Variants in ETS1 observed in about 807,000 individuals in gnomAD.
ETS1 encodes the protein ETS proto-oncogene 1, transcription factor, also known as protein C-ets-1.
A neutral mutation model predicts 58.6 loss-of-function variants in ETS1; 15 were observed. The ratio of observed to expected loss-of-function variants is 0.26; its 90% CI spans 0.17 to 0.39. The LOEUF is 0.39. Ranked by LOEUF, ETS1 falls within the 10% of genes least tolerant of loss-of-function variation. The pLI, the probability that ETS1 is intolerant of heterozygous loss-of-function variation, is 1.00. For missense variants in ETS1, 417 were observed against 610.5 expected, an observed-to-expected ratio of 0.68 and a Z score of 3.34; for synonymous variants, 214 against 218.2, an observed-to-expected ratio of 0.98 and a Z score of 0.17.
In ETS1 at chr11:128,486,082, C is replaced by T. The variant is rs149636924; in HGVS notation, c.600G>A (p.Ser200=). Residue 200 remains serine, a synonymous_variant, in exon 6 of 10, where the codon TCG becomes TCA. Transcript: ENST00000392668. The stretch of plus-strand genomic sequence containing the variant: ...AAATGAACTTACTAATGAAGTAATC[C>T]GAGGTATAGCGGGATTCTGGATAGG... ...NPAYPESRYT[S]DYFISYGIEH... is the part of the protein sequence containing the mutation. 2.5e-3 allele frequency: 4,050 copies of T among 1,607,380 alleles called. 75 individuals are homozygous for T. In the South Asian group the frequency reaches 0.032, roughly 13 times the overall value.
chr11:128,498,756 G>T (rs1863008762), intron 3 of ETS1, among the ~76,000 whole-genome samples: 1 of 152,162 alleles, frequency 6.6e-6, no homozygotes, highest in Non-Finnish European at 1.5e-5. Context: ...TTGAGATTAT[G>T]ATTCCTGTGT....
Position 128,485,007 on chromosome 11 carries a change from T to C in ETS1, c.678A>G (p.Thr226=), listed in dbSNP as rs1436802245. The stretch of plus-strand genomic sequence containing the variant: ...TGGGATGGAGCGTCTGATAGGACTC[T>C]GTGATGAAGCTGGGCTCTGAGAACT... The part of the protein sequence containing the change: ...PSEFSEPSFI[T]ESYQTLHPIS... Residue 226 remains threonine (T), a synonymous_variant, in exon 7 of 10, where the codon ACA becomes ACG. Transcript: ENST00000392668. 3.7e-6 allele frequency: 6 copies of C among 1,613,964 alleles called. No homozygotes were observed. Among genetic ancestry groups the C allele is most frequent in the South Asian group, 1.1e-5 (1 of 91,078 alleles).
intron 3 of ETS1, among the ~76,000 whole-genome samples, chr11:128,548,591 A>G (rs925026828): frequency 6.6e-6 from 1 of 152,204 alleles, no homozygotes; most frequent in East Asian, 1.9e-4. Context: ...TTGCAAAACT[A>G]AATCTAAGCC....
intron 8 of ETS1, among the ~76,000 whole-genome samples, chr11:128,473,729 A>G (rs1333854139): frequency 6.6e-6 from 1 of 152,212 alleles, no homozygotes; most frequent in Non-Finnish European, 1.5e-5. Flanking sequence ...CAGGAAGGGC[A>G]GCGCTTCTCT....
intron 3 of ETS1, among the ~76,000 whole-genome samples, chr11:128,548,919 G>A (rs1308070116): frequency 6.6e-6 from 1 of 152,178 alleles, no homozygotes; most frequent in Non-Finnish European, 1.5e-5. Context: ...GACCCCCATG[G>A]CCCAAGTGTT....
intron 3 of ETS1, among the ~76,000 whole-genome samples, chr11:128,493,738 C>G (rs867748002): frequency 6.6e-6 from 1 of 152,206 alleles, no homozygotes; most frequent in Non-Finnish European, 1.5e-5. Flanking sequence ...CCTTCTATAA[C>G]TAAGTGAACA....
chr11:128,551,574 A>C (rs879546693), intron 3 of ETS1, among the ~76,000 whole-genome samples: 3 of 152,240 alleles, frequency 2.0e-5, no homozygotes, highest in Admixed American at 2.0e-4. Flanking sequence ...AATATTTCAC[A>C]TGGAAACCAT....
At chr11:128,575,753 A>T (rs1321647220) in intron 1 of ETS1, among the ~76,000 whole-genome samples, 1 of 152,262 alleles carries the variant, frequency 6.6e-6, no homozygotes, top group Non-Finnish European at 1.5e-5. Flanking sequence ...GGAAATTGTG[A>T]AAGATTGCAT....
intron 3 of ETS1, among the ~76,000 whole-genome samples, chr11:128,541,166 A>C (rs1414624621): frequency 6.6e-6 from 1 of 152,172 alleles, no homozygotes; most frequent in Non-Finnish European, 1.5e-5. Flanking sequence ...CCAGCTCTGC[A>C]GCTTGGCTGT....
chr11:128,584,916 A>G (rs1475127355), intron 1 of ETS1, among the ~76,000 whole-genome samples: 1 of 146,056 alleles, frequency 6.8e-6, no homozygotes, highest in African/African-American at 2.5e-5. Flanking sequence ...AGAGAAAAGA[A>G]AGAAAGAGGA....
At chr11:128,466,942 G>A (rs1397859262) in intron 8 of ETS1, among the ~76,000 whole-genome samples, 6 of 152,126 alleles carry the variant, frequency 3.9e-5, no homozygotes, top group Non-Finnish European at 7.4e-5. Flanking sequence ...GATTCCTGTA[G>A]AGAAACCCCA....
At chr11:128,497,980 C>T (rs1862988853) in intron 3 of ETS1, among the ~76,000 whole-genome samples, 1 of 151,624 alleles carries the variant, frequency 6.6e-6, no homozygotes, top group Non-Finnish European at 1.5e-5. Flanking sequence ...GGCAAATGGC[C>T]TAAAATAGGA....
chr11:128,544,612 T>C (rs1864105307), intron 3 of ETS1, among the ~76,000 whole-genome samples: 1 of 151,872 alleles, frequency 6.6e-6, no homozygotes, highest in Non-Finnish European at 1.5e-5. Context: ...GAAATGCTTT[T>C]CCTAAAGAAT....
chr11:128,536,679 C>T (rs1863977683), intron 3 of ETS1: 1 of 152,292 alleles, frequency 6.6e-6, no homozygotes, highest in East Asian at 1.9e-4. Flanking sequence ...GGAGAAAGAG[C>T]TTGGAATTGG....
chr11:128,584,995 G>A (rs201733138), intron 1 of ETS1, among the ~76,000 whole-genome samples: 558 of 22,024 alleles, frequency 0.025, 52 homozygotes, highest in East Asian at 0.057. Context: ...AGAAAGGAAG[G>A]AAGGAAGGAA....
chr11:128,507,766 T>C (rs908346203), intron 3 of ETS1, among the ~76,000 whole-genome samples: 4 of 152,228 alleles, frequency 2.6e-5, no homozygotes, highest in Non-Finnish European at 4.4e-5. Context: ...TTCACTGACC[T>C]GGACCTTCCC....
chr11:128,477,200 C>T (rs1213134428), intron 8 of ETS1, among the ~76,000 whole-genome samples: 1 of 152,132 alleles, frequency 6.6e-6, no homozygotes, highest in African/African-American at 2.4e-5. Flanking sequence ...TTAGTTCAGG[C>T]CAAGTAATAG....
chr11:128,485,123 A>C (rs1862593053), intron 6 of ETS1, 52 bp from the exon 7 acceptor site: 1 of 1,563,462 alleles, frequency 6.4e-7, no homozygotes, highest in Non-Finnish European at 8.7e-7. Context: ...TACCTAAAAT[A>C]AGCAGTTTTC....
At chr11:128,569,318 C>CTTCTT (rs1864574645) in intron 2 of ETS1, among the ~76,000 whole-genome samples, 2 of 39,458 alleles carry the variant, frequency 5.1e-5, no homozygotes, top group Non-Finnish European at 8.9e-5. Context: ...AGAGTTTCTT[C>CTTCTT]TTTTTTTTTT....
Sources: gnomAD v4.1 joint callset for allele counts (sites outside exome capture counted in the v4.1 genomes callset) on GRCh38, gnomAD v4.1.1 for gene constraint, MANE v1.5 for transcripts, NCBI Gene and HGNC (gene_info 2026-07-23, HGNC 2026-07-21) for gene names.